Variants in MELK observed in about 807,000 individuals in gnomAD.
MELK encodes the protein maternal embryonic leucine zipper kinase, also known as pEg3 kinase.
Under a neutral mutation model 85.0 loss-of-function variants are expected in MELK, and 81 were observed. The ratio of observed to expected loss-of-function variants is 0.95; its 90% CI spans 0.80 to 1.15. The LOEUF is 1.15. MELK is among the 50% of genes most tolerant of loss of function. The pLI, the probability that MELK is intolerant of heterozygous loss-of-function variation, is 0.00. For synonymous variants in MELK, 252 were observed against 265.0 expected, an observed-to-expected ratio of 0.95 and a Z score of 0.48; for missense variants, 754 against 777.5, an observed-to-expected ratio of 0.97 and a Z score of 0.36.
intron 1 of MELK, among the ~76,000 whole-genome samples, chr9:36,577,814 G>T (rs1821804823): frequency 6.6e-6 from 1 of 151,912 alleles, no homozygotes; most frequent in African/African-American, 2.4e-5. Context: ...ACCACGCCTG[G>T]CTAATTTTTT....
At chr9:36,636,119 T>G (rs985751253) in intron 10 of MELK, among the ~76,000 whole-genome samples, 3 of 152,064 alleles carry the variant, frequency 2.0e-5, no homozygotes, top group African/African-American at 7.2e-5. Flanking sequence ...AAATGGCCAC[T>G]TGGTAAAAAT....
At chr9:36,617,111 A>C (rs1475175686) in intron 8 of MELK, among the ~76,000 whole-genome samples, 1 of 152,168 alleles carries the variant, frequency 6.6e-6, no homozygotes, top group Non-Finnish European at 1.5e-5. Context: ...TGGGTCAAAG[A>C]TATGTGAATT....
chr9:36,617,931 G>A (rs536064514), intron 8 of MELK, among the ~76,000 whole-genome samples: 31 of 151,972 alleles, frequency 2.0e-4, no homozygotes, highest in African/African-American at 7.0e-4. Flanking sequence ...TTTGAGACCA[G>A]CCTGGGCAAC....
intron 5 of MELK, among the ~76,000 whole-genome samples, chr9:36,596,517 A>C (rs1390669460): frequency 6.6e-6 from 1 of 151,010 alleles, no homozygotes; most frequent in African/African-American, 2.4e-5. Flanking sequence ...TAGGCCTCCC[A>C]AAGTGCTGGG....
intron 8 of MELK, among the ~76,000 whole-genome samples, chr9:36,624,484 A>C (rs1468703673): frequency 6.6e-6 from 1 of 152,186 alleles, no homozygotes; most frequent in African/African-American, 2.4e-5. Context: ...ACTCCAATCC[A>C]TTCCTGTTCC....
chr9:36,582,178 C>T (rs1329698407), intron 2 of MELK, among the ~76,000 whole-genome samples: 1 of 152,106 alleles, frequency 6.6e-6, no homozygotes, highest in East Asian at 1.9e-4. Flanking sequence ...CCGTGTTAAT[C>T]AGGATGGTCT....
rs1205210045 is a variant in MELK at position 36,615,294 on chromosome 9, G to T, written c.666+7621G>T. Among the ~76,000 whole-genome samples, 59 of 127,206 alleles carry T rather than the reference G, an allele frequency of 4.6e-4. 4 individuals are homozygous for T. Among genetic ancestry groups the T allele is most frequent in the Middle Eastern group, 4.5e-3 (1 of 222 alleles). 83.5% of individuals were successfully genotyped at this position (127,206 alleles called of 152,430 possible). ...AGACGGCACGGCTGGCCAGGCGGGGGGCTGATCCCCCCACCTCCCTCCCGG... is the reference window on the plus strand; with the variant it reads ...AGACGGCACGGCTGGCCAGGCGGGGTGCTGATCCCCCCACCTCCCTCCCGG... On this transcript the variant is annotated intron_variant, in intron 8 of 17. Coordinates refer to ENST00000298048, the MANE Select transcript of MELK (RefSeq NM_014791.4).
rs116068973 is a variant in MELK at position 36,613,148 on chromosome 9, C to T, written c.666+5475C>T. ...TCTTTTTTCCCCTTTTCCTGGAACACGCTAAGGTGTGCCTGCCTCAGGGCA... is the reference window on the plus strand; with the variant it reads ...TCTTTTTTCCCCTTTTCCTGGAACATGCTAAGGTGTGCCTGCCTCAGGGCA... On this transcript the variant is annotated intron_variant, in intron 8 of 17. Transcript: ENST00000298048. Among the ~76,000 whole-genome samples, 1,088 of 152,296 alleles carry T rather than the reference C, an allele frequency of 7.1e-3. 10 individuals carry two copies. The highest frequency in any genetic ancestry group is 0.021 in the African/African-American group (880 of 41,560).
intron 16 of MELK, 123 bp from the exon 17 acceptor site, chr9:36,674,711 T>G (rs1833187571): frequency 6.1e-6 from 3 of 494,180 alleles, no homozygotes; most frequent in Non-Finnish European, 1.1e-5. Flanking sequence ...TTTGATATTT[T>G]TTAGGAAATA....
intron 9 of MELK, among the ~76,000 whole-genome samples, chr9:36,632,397 ATTGATAGGAAACACT>A (rs1828724959): frequency 6.6e-6 from 1 of 152,262 alleles, no homozygotes; most frequent in East Asian, 1.9e-4. Context: ...ACAAAATGAG[ATTGATAGGAAACACT>A]TTGAAAATAT....
chr9:36,598,436 G>A (rs1336922448), intron 6 of MELK, among the ~76,000 whole-genome samples: 1 of 152,108 alleles, frequency 6.6e-6, no homozygotes, highest in African/African-American at 2.4e-5. Context: ...AGTTGTAAAT[G>A]ACATCTCACA....
At chr9:36,655,289 A>ATC (rs1831127582) in intron 12 of MELK, among the ~76,000 whole-genome samples, 3 of 152,152 alleles carry the variant, frequency 2.0e-5, no homozygotes, top group African/African-American at 7.2e-5. Flanking sequence ...TCACCATGGG[A>ATC]TCCAAACTGG....
intron 7 of MELK, among the ~76,000 whole-genome samples, chr9:36,601,223 T>C (rs1254172386): frequency 6.6e-6 from 1 of 152,188 alleles, no homozygotes; most frequent in Non-Finnish European, 1.5e-5. Context: ...ATGTCCTTTA[T>C]AGTTTTATTT....
At chr9:36,604,033 G>C (rs981609778) in intron 7 of MELK, among the ~76,000 whole-genome samples, 1 of 149,436 alleles carries the variant, frequency 6.7e-6, no homozygotes, top group Non-Finnish European at 1.5e-5. Context: ...GCAATGGTGT[G>C]ATCTTGGCTC....
At chr9:36,658,305 A>C (rs745313535) in intron 13 of MELK, among the ~76,000 whole-genome samples, 20 of 151,884 alleles carry the variant, frequency 1.3e-4, no homozygotes, top group Non-Finnish European at 2.5e-4. Context: ...CCTACAGTAC[A>C]CTGAGGCCCT....
intron 8 of MELK, among the ~76,000 whole-genome samples, chr9:36,619,659 A>C (rs975984726): frequency 3.9e-5 from 6 of 152,348 alleles, no homozygotes; most frequent in Admixed American, 1.3e-4. Context: ...TGAACCCCCC[A>C]AAAATATGTA....
intron 11 of MELK, among the ~76,000 whole-genome samples, chr9:36,644,264 A>C (rs1830033570): frequency 6.7e-6 from 1 of 148,390 alleles, no homozygotes; most frequent in Admixed American, 6.7e-5. Context: ...TTAAGAGATC[A>C]AGGCAGTCAC....
chr9:36,648,201 C>T (rs1830397514), intron 11 of MELK, among the ~76,000 whole-genome samples: 1 of 152,014 alleles, frequency 6.6e-6, no homozygotes, highest in African/African-American at 2.4e-5. Flanking sequence ...AAAATATTTA[C>T]AAGCAGAATA....
At chr9:36,588,012 C>T (rs945428833) in intron 3 of MELK, among the ~76,000 whole-genome samples, 8 of 151,416 alleles carry the variant, frequency 5.3e-5, no homozygotes, top group African/African-American at 1.5e-4. Context: ...GCGATCTGCC[C>T]GCCTCAGCCT....
Sources: allele counts gnomAD v4.1 joint callset (sites outside exome capture counted in the v4.1 genomes callset), GRCh38; gene constraint gnomAD v4.1.1; transcripts MANE v1.5; gene names NCBI Gene and HGNC (gene_info 2026-07-23, HGNC 2026-07-21).